Variants in JCAD observed in about 807,000 individuals in gnomAD.
The protein encoded by JCAD is junctional cadherin 5 associated.
Under a neutral mutation model 98.0 loss-of-function variants are expected in JCAD, and 40 were observed. The ratio of observed to expected loss-of-function variants is 0.41; its 90% confidence interval spans 0.32 to 0.53. JCAD has a LOEUF of 0.53. Among genes scored for constraint, JCAD ranks in the 20% least tolerant of loss-of-function variants. The pLI is 0.31. For missense variants in JCAD, 1,705 were observed against 1,738.1 expected (o/e 0.98, Z 0.34); for synonymous variants, 691 against 682.3 (o/e 1.01, Z -0.20).
chr10:30,095,167 G>A (rs1466296688), intron 1 of JCAD, among the ~76,000 whole-genome samples: 7 of 152,090 alleles, frequency 4.6e-5, no homozygotes. Context: ...CCTGGTTCAT[G>A]CCTCTATTTT....
chr10:30,048,068 C>T (rs1247792445), intron 1 of JCAD, among the ~76,000 whole-genome samples, 197 bp from the exon 2 acceptor site: 1 of 152,176 alleles, frequency 6.6e-6, no homozygotes. Flanking sequence ...GTGGGTGTGG[C>T]TCTGACTCTA....
At chr10:30,103,580 A>G (rs1343261746) in intron 1 of JCAD, among the ~76,000 whole-genome samples, 1 of 150,950 alleles carries the variant, frequency 6.6e-6, no homozygotes, top group African/African-American at 2.5e-5. Flanking sequence ...ATATTAAAGT[A>G]AATGAGGAAA....
At chr10:30,038,490 C>T (rs146666270) in intron 2 of JCAD, among the ~76,000 whole-genome samples, 60 of 151,550 alleles carry the variant, frequency 4.0e-4, no homozygotes, top group African/African-American at 1.3e-3. Context: ...TAGAGACCAG[C>T]CTGGGAAACA....
chr10:30,054,208 T>C (rs904678171), intron 1 of JCAD, among the ~76,000 whole-genome samples: 7 of 152,172 alleles, frequency 4.6e-5, no homozygotes, highest in Non-Finnish European at 2.9e-5. Flanking sequence ...AGATTCAATG[T>C]CATACCAAAT....
intron 1 of JCAD, among the ~76,000 whole-genome samples, chr10:30,075,953 CA>C (rs1037480157): frequency 1.3e-5 from 2 of 152,054 alleles, no homozygotes; most frequent in African/African-American, 4.8e-5. Flanking sequence ...ACCAAAATGA[CA>C]AATGGTGTTA....
chr10:30,108,118 G>T (rs148416042), intron 1 of JCAD, among the ~76,000 whole-genome samples: 32 of 152,120 alleles, frequency 2.1e-4, no homozygotes, highest in African/African-American at 5.5e-4. Flanking sequence ...TTTGAGACCC[G>T]CCTGGCCAAC....
chr10:30,059,127 A>C lies in JCAD; in HGVS notation c.-60+355T>G, dbSNP rs535773413. Among the ~76,000 whole-genome samples the C allele has an allele frequency of 1.3e-5, 2 of 151,792 alleles. No homozygotes were observed. The highest frequency in any genetic ancestry group is 2.4e-5 in the African/African-American group (1 of 41,428). On this transcript the variant is annotated intron_variant, in intron 1 of 3. Transcript: ENST00000375377. This position sits in a 1 kb window ranked among gnomAD's most constrained non-coding sequence, Gnocchi z 5.0. ...GGGGAGTGAGTGACCCCGGCCCCCC[A>C]GGCCCTCCGCGCGCCGAGGGGCGAC...
chr10:30,022,193 A>C (rs1836673497), intron 3 of JCAD, among the ~76,000 whole-genome samples: 2 of 152,200 alleles, frequency 1.3e-5, no homozygotes. Flanking sequence ...ATGTGAGCTG[A>C]AACGACCAAC....
At chr10:30,046,954 G>C (rs1837349067) in intron 2 of JCAD, among the ~76,000 whole-genome samples, 1 of 152,148 alleles carries the variant, frequency 6.6e-6, no homozygotes, top group Non-Finnish European at 1.5e-5. Flanking sequence ...GCCAGGTGTG[G>C]TTGTGTGCAC....
intron 1 of JCAD, among the ~76,000 whole-genome samples, chr10:30,076,608 C>T (rs1319521856): frequency 6.6e-6 from 1 of 151,964 alleles, no homozygotes; most frequent in Non-Finnish European, 1.5e-5. Context: ...GGGCGGTGTC[C>T]CAGGGCTGTT....
chr10:30,047,772 T>C lies in JCAD; in HGVS notation c.41A>G (p.Lys14Arg). The C allele has an allele frequency of 6.2e-7, 1 of 1,614,108 alleles. No individual in the cohort carries two copies. Residue 14 changes from lysine to arginine, a missense_variant, in exon 2 of 4, where the codon AAG (lysine) becomes AGG (arginine). Around this residue, in one of 3 missense-constraint regions of JCAD, gnomAD observed 152 missense variants for 148.0 expected, o/e 1.03. Transcript: ENST00000375377. Reference sequence around the variant, plus strand: ...TGATGCTGGGGGGTCTCTTGACAGCTTGTATCCATGAGAGATCAGGAGGTC... The same window carrying C: ...TGATGCTGGGGGGTCTCTTGACAGCCTGTATCCATGAGAGATCAGGAGGTC... ...VEDLLISHGY[K>R]LSRDPPASRE...
intron 1 of JCAD, among the ~76,000 whole-genome samples, chr10:30,087,812 G>C (rs560145172): frequency 3.4e-4 from 52 of 152,322 alleles, no homozygotes; most frequent in African/African-American, 1.3e-3. Flanking sequence ...GTCTAGCATG[G>C]TATCTGAAAC....
At position 30,066,094 on chromosome 10, in the gene JCAD, T is replaced by C. The variant is rs1420016763; in HGVS notation, n.250+3606A>G. On this transcript the variant is annotated intron_variant and non_coding_transcript_variant, in intron 2 of 2. Transcript: ENST00000465712. ...GAGGAATGGATTGATTGACACGTAG[T>C]ATACAGTGCAAAGACAGTAGCCGTG... Among the ~76,000 whole-genome samples, 3 of 152,292 alleles carry C rather than the reference T, an allele frequency of 2.0e-5. No individual in the cohort carries two copies. The East Asian group carries it at 5.8e-4, about 29-fold the overall frequency.
intron 3 of JCAD, among the ~76,000 whole-genome samples, chr10:30,023,756 C>T (rs1836718718): frequency 6.6e-6 from 1 of 151,954 alleles, no homozygotes; most frequent in Non-Finnish European, 1.5e-5. Context: ...CCAAAAACGT[C>T]ATGAGGGAGG....
intron 1 of JCAD, among the ~76,000 whole-genome samples, chr10:30,107,457 C>T (rs1838605887): frequency 6.6e-6 from 1 of 152,168 alleles, no homozygotes; most frequent in Non-Finnish European, 1.5e-5. Context: ...CAGAAGTTAC[C>T]CTATATGATC....
Position 30,026,894 on chromosome 10 carries a change from C to G in JCAD, c.3254G>C (p.Arg1085Thr). 1 of 1,614,078 alleles carries G rather than the reference C, an allele frequency of 6.2e-7. No individual in the cohort carries two copies. The highest frequency in any genetic ancestry group is 8.5e-7 in the Non-Finnish European group (1 of 1,179,982). ...CTCAATGCCCAGGATCCTTGCAGCC[C>G]TGGCTTGCAAGGACTCACCTGGGGG... ...EIPPGESLQA[R>T]AARILGIEVA... is the part of the protein sequence containing the mutation. The change falls in exon 3 of 4, where the codon AGG becomes ACG. Residue 1085 changes from arginine (R) to threonine (T), a missense_variant. By Grantham distance (71) the Arg-to-Thr change is moderately conservative. Coordinates refer to ENST00000375377, the MANE Select transcript of JCAD (RefSeq NM_020848.4).
At chr10:30,031,874 C>T (rs956759303) in intron 2 of JCAD, among the ~76,000 whole-genome samples, 1 of 150,744 alleles carries the variant, frequency 6.6e-6, no homozygotes, top group African/African-American at 2.4e-5. Flanking sequence ...CCTGCCTCAG[C>T]CTCCCAAGTA....
intron 2 of JCAD, among the ~76,000 whole-genome samples, chr10:30,069,340 G>A (rs946229531): frequency 1.3e-4 from 20 of 150,330 alleles, no homozygotes; most frequent in Admixed American, 2.7e-4. Flanking sequence ...GCTCATACCT[G>A]TAATCCCAAC....
At chr10:30,070,467 C>A (rs986435273) in intron 1 of JCAD, among the ~76,000 whole-genome samples, 2 of 152,206 alleles carry the variant, frequency 1.3e-5, no homozygotes, top group African/African-American at 4.8e-5. Flanking sequence ...AATTGAGCAC[C>A]ATTTTCAAGT....
Sources: gnomAD v4.1 joint callset for allele counts (sites outside exome capture counted in the v4.1 genomes callset) on GRCh38, gnomAD v4.1.1 for gene constraint, gnomAD v4.1.1 regional missense constraint, Gnocchi (gnomAD v3.1) non-coding constraint, MANE v1.5 for transcripts, NCBI Gene and HGNC (gene_info 2026-07-23, HGNC 2026-07-21) for gene names.